OR51B5: variants seen among roughly 807,000 people sequenced by gnomAD.
OR51B5 encodes olfactory receptor family 51 subfamily B member 5.
For synonymous variants in OR51B5, 186 were observed against 144.8 expected (o/e 1.28, Z -2.04); for missense variants, 456 against 374.6 (o/e 1.22, Z -1.79).
At chr11:5,457,390 A>C (rs930623594) in intron 1 of OR51B5, among the ~76,000 whole-genome samples, 7 of 152,162 alleles carry the variant, frequency 4.6e-5, no homozygotes, top group Non-Finnish European at 7.4e-5. Context: ...GCTGAAGGGC[A>C]CCTTGATTTC....
intron 1 of OR51B5, among the ~76,000 whole-genome samples, chr11:5,463,297 TGCCA>T (rs1851087935): frequency 6.6e-6 from 1 of 152,232 alleles, no homozygotes; most frequent in African/African-American, 2.4e-5. Context: ...AAAGTATAAT[TGCCA>T]GCCAAACTTT....
intron 1 of OR51B5, among the ~76,000 whole-genome samples, chr11:5,411,129 T>C (rs1850143247): frequency 6.6e-6 from 1 of 152,242 alleles, no homozygotes; most frequent in East Asian, 1.9e-4. Context: ...CACTCACCAC[T>C]CACTCACTGA....
At chr11:5,385,730 C>A (rs535205383) in intron 1 of OR51B5, among the ~76,000 whole-genome samples, 8,034 of 115,592 alleles carry the variant, frequency 0.07, 670 homozygotes, top group African/African-American at 0.21. Flanking sequence ...GTACAAATAT[C>A]TAATATTTTT....
At chr11:5,457,375 C>T (rs1393060144) in intron 1 of OR51B5, among the ~76,000 whole-genome samples, 2 of 152,216 alleles carry the variant, frequency 1.3e-5, no homozygotes, top group East Asian at 1.9e-4. Context: ...TTTAACCAGT[C>T]CACTGCTGAA....
intron 1 of OR51B5, among the ~76,000 whole-genome samples, chr11:5,474,722 ATG>A (rs1851279948): frequency 6.6e-6 from 1 of 152,224 alleles, no homozygotes; most frequent in Non-Finnish European, 1.5e-5. Context: ...ATACATTTCA[ATG>A]TGTTGGTTAG....
intron 1 of OR51B5, among the ~76,000 whole-genome samples, chr11:5,418,226 A>G (rs1850271324): frequency 6.6e-6 from 1 of 151,964 alleles, no homozygotes; most frequent in Non-Finnish European, 1.5e-5. Flanking sequence ...GGACACAGGA[A>G]GGGGAACATC....
chr11:5,489,377 T>C (rs772667219), intron 1 of OR51B5: 3 of 1,613,920 alleles, frequency 1.9e-6, no homozygotes, highest in Admixed American at 3.3e-5. Flanking sequence ...TATGGCTTTA[T>C]CCTCCATGCA....
intron 1 of OR51B5, among the ~76,000 whole-genome samples, chr11:5,461,274 C>T (rs897232005): frequency 2.0e-5 from 3 of 152,086 alleles, no homozygotes; most frequent in Admixed American, 1.3e-4. Flanking sequence ...GGAGGCGAGG[C>T]GCGCCGGCGG....
chr11:5,431,333 C>T, intron 1 of OR51B5: 1 of 296,754 alleles, frequency 3.4e-6, no homozygotes, highest in South Asian at 3.3e-5. Context: ...ACTCTGTGGG[C>T]ATCAAACCAA....
chr11:5,479,043 C>G (rs564078866), intron 1 of OR51B5, among the ~76,000 whole-genome samples: 1 of 152,012 alleles, frequency 6.6e-6, no homozygotes, highest in East Asian at 1.9e-4. Flanking sequence ...AAGAGCAACT[C>G]CAAGACACAT....
intron 1 of OR51B5, among the ~76,000 whole-genome samples, chr11:5,477,957 C>A (rs1851341364): frequency 1.3e-5 from 2 of 152,018 alleles, no homozygotes; most frequent in East Asian, 3.9e-4. Context: ...ATTGCCCAGG[C>A]TTGCTTAGGT....
At chr11:5,438,819 T>C (rs1461225066) in intron 1 of OR51B5, among the ~76,000 whole-genome samples, 1 of 152,142 alleles carries the variant, frequency 6.6e-6, no homozygotes, top group Non-Finnish European at 1.5e-5. Flanking sequence ...ATATATCCTG[T>C]GGAGTGGAAG....
intron 1 of OR51B5, among the ~76,000 whole-genome samples, chr11:5,477,311 T>G (rs948094559): frequency 1.3e-5 from 2 of 152,080 alleles, no homozygotes; most frequent in Non-Finnish European, 2.9e-5. Context: ...TCCCTTGAGA[T>G]GAGCACAGAG....
intron 1 of OR51B5, among the ~76,000 whole-genome samples, chr11:5,476,072 T>C (rs914038743): frequency 6.6e-6 from 1 of 152,164 alleles, no homozygotes. Context: ...CTACCTTAAT[T>C]AATCCAAGTC....
At chr11:5,397,751 C>A (rs1478651738) in intron 1 of OR51B5, among the ~76,000 whole-genome samples, 2 of 150,642 alleles carry the variant, frequency 1.3e-5, no homozygotes, top group Non-Finnish European at 3.0e-5. Context: ...CACATGCACA[C>A]GTATGTTTAT....
intron 1 of OR51B5, among the ~76,000 whole-genome samples, chr11:5,399,706 A>T (rs780004469): frequency 6.6e-6 from 1 of 151,870 alleles, no homozygotes; most frequent in African/African-American, 2.4e-5. Flanking sequence ...GATCTCTTTC[A>T]AGGAGATCTG....
intron 1 of OR51B5, among the ~76,000 whole-genome samples, chr11:5,411,004 AG>A (rs1850141330): frequency 6.6e-6 from 1 of 152,232 alleles, no homozygotes; most frequent in South Asian, 2.1e-4. Flanking sequence ...CAGTAAGCTA[AG>A]GTTAATTTAT....
At chr11:5,430,794 A>C (rs1251496012) in intron 1 of OR51B5, 4 of 457,276 alleles carry the variant, frequency 8.7e-6, no homozygotes, top group Non-Finnish European at 1.8e-5. Context: ...CAATGGGAGA[A>C]GCATGTTTGG....
At chr11:5,418,411 TAAAAA>T (rs1850274132) in intron 1 of OR51B5, among the ~76,000 whole-genome samples, 1 of 109,228 alleles carries the variant, frequency 9.2e-6, no homozygotes, top group South Asian at 2.8e-4. Flanking sequence ...ATAATAATAA[TAAAAA>T]CAAAACAAAA....
Sources: gnomAD v4.1 joint callset for allele counts (sites outside exome capture counted in the v4.1 genomes callset) on GRCh38, gnomAD v4.1.1 for gene constraint, MANE v1.5 for transcripts, NCBI Gene and HGNC (gene_info 2026-07-23, HGNC 2026-07-21) for gene names.